The following REDIC1 variants were observed in gnomAD, a reference collection of about 807,000 sequenced individuals.
REDIC1 encodes the protein regulator of DNA class I crossover intermediates 1, also known as HEI10 Interacting Protein 1.
At chr12:39,838,643 G>T in the REDIC1 span, among the ~76,000 whole-genome samples, 15 of 151,892 alleles carry the variant, frequency 9.9e-5, no homozygotes, top group Non-Finnish European at 2.2e-4. Flanking sequence ...AGGACAAAAG[G>T]CTGCTTAGTG....
chr12:39,649,117 G>A, the REDIC1 span, among the ~76,000 whole-genome samples: 16 of 151,686 alleles, frequency 1.1e-4, no homozygotes, highest in Non-Finnish European at 1.2e-4. Flanking sequence ...TAACTTTCTT[G>A]TCTGTACATA....
chr12:39,760,115 C>G, the REDIC1 span: 1 of 1,612,978 alleles, frequency 6.2e-7, no homozygotes, highest in East Asian at 2.2e-5. Flanking sequence ...TCATCAGAAT[C>G]TGAAGTGCCA....
chr12:39,842,329 C>G, the REDIC1 span, among the ~76,000 whole-genome samples: 945 of 152,136 alleles, frequency 6.2e-3, 12 homozygotes, highest in African/African-American at 0.022. Context: ...ATGAAGAAAA[C>G]AAAGCTTGGA....
the REDIC1 span, among the ~76,000 whole-genome samples, chr12:39,798,089 A>G: frequency 6.6e-6 from 1 of 152,170 alleles, no homozygotes; most frequent in Non-Finnish European, 1.5e-5. Context: ...CTTTGGAGGA[A>G]GCTAGCTACC....
chr12:39,906,795 G>A, the REDIC1 span, among the ~76,000 whole-genome samples: 73 of 152,220 alleles, frequency 4.8e-4, 1 homozygote, highest in East Asian at 4.1e-3. Flanking sequence ...TAAATTGAAC[G>A]TTGATAAAGT....
At chr12:39,670,402 A>G in the REDIC1 span, among the ~76,000 whole-genome samples, 120,110 of 151,646 alleles carry the variant, frequency 0.79, 48,279 homozygotes, top group Non-Finnish European at 0.86. Context: ...TGTTGGCCAC[A>G]CTGGTCTTGA....
chr12:39,747,469 T>G, the REDIC1 span, among the ~76,000 whole-genome samples: 1 of 152,132 alleles, frequency 6.6e-6, no homozygotes, highest in Non-Finnish European at 1.5e-5. Flanking sequence ...CTGAAAGTGA[T>G]GGGGAGAATG....
the REDIC1 span, chr12:39,757,517 T>C: frequency 4.6e-5 from 7 of 151,634 alleles, no homozygotes. Context: ...ACCCTAATTG[T>C]ATAAGGTTCC....
the REDIC1 span, among the ~76,000 whole-genome samples, chr12:39,705,466 G>A: frequency 5.3e-5 from 8 of 152,162 alleles, no homozygotes; most frequent in South Asian, 1.0e-3. Context: ...ATTCTACAAG[G>A]CAATGTATTA....
the REDIC1 span, among the ~76,000 whole-genome samples, chr12:39,799,081 CTT>C: frequency 1.3e-4 from 18 of 133,456 alleles, no homozygotes; most frequent in Non-Finnish European, 1.8e-4. Flanking sequence ...TTTTTTTTTC[CTT>C]TTTTTTTTTT....
chr12:39,862,124 A>G, the REDIC1 span, among the ~76,000 whole-genome samples: 3 of 152,214 alleles, frequency 2.0e-5, no homozygotes, highest in Non-Finnish European at 4.4e-5. Flanking sequence ...TCTTTAATAC[A>G]TTCAGTCCAG....
the REDIC1 span, among the ~76,000 whole-genome samples, chr12:39,794,123 C>CAAAAAAAAAAAAA: frequency 1.3e-5 from 1 of 78,372 alleles, no homozygotes; most frequent in African/African-American, 5.1e-5. Context: ...GGCCAAATTG[C>CAAAAAAAAAAAAA]AAAAAAAAAA....
At chr12:39,751,191 A>G in the REDIC1 span, among the ~76,000 whole-genome samples, 10 of 152,392 alleles carry the variant, frequency 6.6e-5, 1 homozygote, top group South Asian at 1.2e-3. Context: ...TCCAGAATGT[A>G]CAATGAACTC....
the REDIC1 span, among the ~76,000 whole-genome samples, chr12:39,709,599 C>CT: frequency 1.3e-5 from 2 of 148,284 alleles, no homozygotes; most frequent in African/African-American, 2.5e-5. Context: ...TGGTATTTGT[C>CT]TTTTTTTGAT....
the REDIC1 span, among the ~76,000 whole-genome samples, chr12:39,676,778 C>T: frequency 6.6e-6 from 1 of 152,046 alleles, no homozygotes; most frequent in African/African-American, 2.4e-5. Context: ...CCCTACAAGC[C>T]AGAAGGAATT....
At chr12:39,872,126 A>T in the REDIC1 span, among the ~76,000 whole-genome samples, 1 of 152,218 alleles carries the variant, frequency 6.6e-6, no homozygotes, top group African/African-American at 2.4e-5. Context: ...AGATCACAAT[A>T]TAAAGACTAT....
the REDIC1 span, among the ~76,000 whole-genome samples, chr12:39,790,547 A>T: frequency 6.8e-6 from 1 of 147,202 alleles, no homozygotes; most frequent in African/African-American, 2.5e-5. Context: ...AAGGACATGA[A>T]CTCATCCTTT....
chr12:39,833,004 A>C, the REDIC1 span, among the ~76,000 whole-genome samples: 1 of 152,062 alleles, frequency 6.6e-6, no homozygotes, highest in Non-Finnish European at 1.5e-5. Flanking sequence ...TACACATCTT[A>C]AAGTTTCTTA....
At chr12:39,648,117 TC>T in the REDIC1 span, 1 of 556,848 alleles carries the variant, frequency 1.8e-6, no homozygotes, top group Non-Finnish European at 2.8e-6. Context: ...TAAGGTTCAT[TC>T]CCTTTACATC....
Sources: allele counts gnomAD v4.1 joint callset (sites outside exome capture counted in the v4.1 genomes callset), GRCh38; gene constraint gnomAD v4.1.1; transcripts MANE v1.5; gene names NCBI Gene and HGNC (gene_info 2026-07-23, HGNC 2026-07-21).